HDAC9: variants seen among roughly 807,000 people sequenced by gnomAD.
HDAC9 encodes histone deacetylase 9.
In HDAC9, 41 loss-of-function variants were observed where a neutral mutation model predicts 139.4. The ratio of observed to expected loss-of-function variants is 0.29; its 90% confidence interval spans 0.23 to 0.38. The LOEUF (loss-of-function observed/expected upper bound fraction) is 0.38, where lower values mean the gene tolerates loss of function less well. HDAC9 is among the 10% of genes least tolerant of loss of function. The pLI is 1.00. For synonymous variants in HDAC9, 517 were observed against 476.2 expected (o/e 1.09, Z -1.12); for missense variants, 1,147 against 1,297.0 (o/e 0.88, Z 1.78).
At chr7:18,993,348 T>C (rs1439259672) in intron 25 of HDAC9, among the ~76,000 whole-genome samples, 1 of 152,244 alleles carries the variant, frequency 6.6e-6, no homozygotes, top group Non-Finnish European at 1.5e-5. Flanking sequence ...TTATTTCTAT[T>C]TTAAAGATAA....
intron 2 of HDAC9, among the ~76,000 whole-genome samples, chr7:18,508,866 G>A (rs1323688258): frequency 6.6e-6 from 1 of 152,142 alleles, no homozygotes; most frequent in African/African-American, 2.4e-5. Context: ...TTTAATTCAG[G>A]TAGATCATGG....
At chr7:18,432,783 T>G (rs1158903886) in intron 1 of HDAC9, among the ~76,000 whole-genome samples, 1 of 151,832 alleles carries the variant, frequency 6.6e-6, no homozygotes, top group Non-Finnish European at 1.5e-5. Context: ...CCGTCTCTAC[T>G]AAACAAAAAT....
Position 18,282,278 on chromosome 7 carries a change from A to G in HDAC9, c.25+119929A>G, listed in dbSNP as rs145364292. ...CTTATTTAATATTCACAGCAATTCT[A>G]TGGAATAGGTATTATAAATCCCGTT... On this transcript the variant is annotated intron_variant, in intron 2 of 12. Transcript: ENST00000417496. 6.5e-3 allele frequency among the ~76,000 whole-genome samples: 984 copies of G among 152,292 alleles called. 8 individuals carry two copies. The Middle Eastern group carries it at 0.068, about 11-fold the overall frequency.
intron 2 of HDAC9, among the ~76,000 whole-genome samples, chr7:18,239,547 G>A (rs1919317): frequency 0.7 from 106,354 of 152,052 alleles, 37,325 homozygotes; most frequent in South Asian, 0.83. Flanking sequence ...TCCTTCACCC[G>A]TAGATCAGCG....
At chr7:18,979,438 G>A (rs1784756068) in intron 25 of HDAC9, among the ~76,000 whole-genome samples, 1 of 152,086 alleles carries the variant, frequency 6.6e-6, no homozygotes, top group Non-Finnish European at 1.5e-5. Context: ...GAAGCTAAAT[G>A]TTGCACAAAT....
At chr7:18,376,323 T>C (rs974430592) in intron 1 of HDAC9, among the ~76,000 whole-genome samples, 4 of 152,226 alleles carry the variant, frequency 2.6e-5, no homozygotes, top group African/African-American at 7.2e-5. Flanking sequence ...TGTGTACATT[T>C]GTAATAGTTC....
chr7:18,100,999 A>G (rs115050981), intron 1 of HDAC9, among the ~76,000 whole-genome samples: 196 of 152,274 alleles, frequency 1.3e-3, no homozygotes, highest in African/African-American at 4.1e-3. Flanking sequence ...GCTGGTAGGA[A>G]TAGGCACAAT....
At chr7:18,579,648 A>G (rs1260034743) in intron 2 of HDAC9, among the ~76,000 whole-genome samples, 1 of 152,228 alleles carries the variant, frequency 6.6e-6, no homozygotes, top group Non-Finnish European at 1.5e-5. Flanking sequence ...AGCATTGCTG[A>G]TATAACCAAG....
At chr7:18,414,250 A>G in intron 1 of HDAC9, among the ~76,000 whole-genome samples, 1 of 152,116 alleles carries the variant, frequency 6.6e-6, no homozygotes, top group South Asian at 2.1e-4. Flanking sequence ...TCCTACTTTC[A>G]TGTATTTTGC....
At chr7:18,704,149 G>A (rs566789768) in intron 12 of HDAC9, among the ~76,000 whole-genome samples, 35 of 152,170 alleles carry the variant, frequency 2.3e-4, no homozygotes, top group Non-Finnish European at 3.2e-4. Flanking sequence ...AGGACCCAGT[G>A]GCACCCAGGC....
chr7:18,826,383 A>AG (rs5882679), intron 17 of HDAC9, among the ~76,000 whole-genome samples: 6 of 152,006 alleles, frequency 3.9e-5, no homozygotes, highest in Non-Finnish European at 7.4e-5. Context: ...AGCTAAGGAA[A>AG]GGGGGGCACT....
intron 1 of HDAC9, among the ~76,000 whole-genome samples, chr7:18,106,149 T>G (rs1783188185): frequency 6.6e-6 from 1 of 152,226 alleles, no homozygotes; most frequent in African/African-American, 2.4e-5. Flanking sequence ...GATGGCTGTA[T>G]ACCTCTGTGA....
At chr7:18,909,805 A>G (rs1383031828) in intron 22 of HDAC9, among the ~76,000 whole-genome samples, 1 of 151,804 alleles carries the variant, frequency 6.6e-6, no homozygotes, top group East Asian at 1.9e-4. Flanking sequence ...CTTCTATTCC[A>G]CTGATCTATG....
intron 1 of HDAC9, among the ~76,000 whole-genome samples, chr7:18,486,170 A>C (rs1795959486): frequency 6.6e-6 from 1 of 151,926 alleles, no homozygotes. Flanking sequence ...GGACCTAATC[A>C]CCTCCTAAAG....
At chr7:18,909,801 TTCCAC>T (rs1212394393) in intron 22 of HDAC9, among the ~76,000 whole-genome samples, 4 of 152,042 alleles carry the variant, frequency 2.6e-5, no homozygotes, top group African/African-American at 9.7e-5. Flanking sequence ...CTCTCTTCTA[TTCCAC>T]TGATCTATGT....
At chr7:18,204,915 T>G (rs75697361) in intron 2 of HDAC9, among the ~76,000 whole-genome samples, 4,465 of 152,168 alleles carry the variant, frequency 0.029, 83 homozygotes, top group Middle Eastern at 0.041. Context: ...TTTTGTTTCT[T>G]TTATTGACTC....
At chr7:18,766,682 G>T (rs1789857348) in intron 15 of HDAC9, among the ~76,000 whole-genome samples, 1 of 152,126 alleles carries the variant, frequency 6.6e-6, no homozygotes, top group Non-Finnish European at 1.5e-5. Flanking sequence ...TTTTTTAAAT[G>T]ACAGTATATG....
At chr7:18,730,644 T>C (rs1366117055) in intron 13 of HDAC9, among the ~76,000 whole-genome samples, 2 of 152,186 alleles carry the variant, frequency 1.3e-5, no homozygotes, top group Non-Finnish European at 2.9e-5. Context: ...GTCTTTTCCA[T>C]CTTAACTAAG....
At chr7:18,142,336 T>C (rs1785960525) in intron 1 of HDAC9, among the ~76,000 whole-genome samples, 1 of 152,096 alleles carries the variant, frequency 6.6e-6, no homozygotes, top group Non-Finnish European at 1.5e-5. Context: ...AGGAGAGTGA[T>C]CCCCCAGGGA....
Sources: gnomAD v4.1 joint callset for allele counts (sites outside exome capture counted in the v4.1 genomes callset) on GRCh38, gnomAD v4.1.1 for gene constraint, MANE v1.5 for transcripts, NCBI Gene and HGNC (gene_info 2026-07-23, HGNC 2026-07-21) for gene names.